TRIM16: variants seen among roughly 807,000 people sequenced by gnomAD.
TRIM16 encodes the protein tripartite motif containing 16.
A neutral mutation model predicts 50.4 loss-of-function variants in TRIM16; 33 were observed. The ratio of observed to expected loss-of-function variants is 0.65; its 90% CI spans 0.50 to 0.88. The LOEUF (loss-of-function observed/expected upper bound fraction) is 0.88, where lower values mean the gene tolerates loss of function less well. Among genes scored for constraint, TRIM16 ranks in the 40% least tolerant of loss-of-function variants. The probability of loss-of-function intolerance (pLI) is 0.00; values close to 1 mark genes in which losing one functional copy is unlikely to be tolerated. For synonymous variants in TRIM16, 229 were observed against 270.7 expected (o/e 0.85, Z 1.51); for missense variants, 581 against 686.8 (o/e 0.85, Z 1.72).
In TRIM16 at chr17:15,632,455, C is replaced by T. The variant is rs1986477277; in HGVS notation, c.1015+54G>A. The T allele has an allele frequency of 8.0e-6, 12 of 1,509,356 alleles. No individual in the cohort carries two copies. The South Asian group carries it at 1.5e-4, about 19-fold the overall frequency. The allele number at this position is 1,509,356 out of a possible 1,614,324, so 93.5% of individuals were successfully genotyped here. A position where few individuals can be genotyped will look rare whatever the true frequency, so the allele number is the denominator to read the frequency against. ...CCCTGACTCTCTCTCACCTTCCTAT[C>T]ATCTACTGCTAGAGACACACTCACT... On this transcript the variant is annotated intron_variant, in intron 10 of 11. Coordinates refer to ENST00000649191, the MANE Select transcript of TRIM16 (RefSeq NM_001348119.1).
chr17:15,651,473 C>A lies in TRIM16; in HGVS notation c.137G>T (p.Gly46Val), dbSNP rs749283138. 1.2e-6 allele frequency: 2 copies of A among 1,611,538 alleles called. No individual in the cohort carries two copies. Among genetic ancestry groups the A allele is most frequent in the Admixed American group, 1.7e-5 (1 of 59,888 alleles). The part of the protein sequence containing the change: ...SASPVEEEDV[G>V]SSEKLGRETE... ...CTCCCTGCCAAGCTTCTCCGAGGAG[C>A]CCACGTCCTCTTCTTCCACTGGGCT... The change falls in exon 7 of 12, where the codon GGC becomes GTC. Residue 46 changes from glycine to valine, a missense_variant. Coordinates refer to ENST00000649191, the MANE Select transcript of TRIM16 (RefSeq NM_001348119.1).
chr17:15,650,994 T>A, intron 7 of TRIM16, 97 bp downstream of exon 7: 1 of 1,489,676 alleles, frequency 6.7e-7, no homozygotes, highest in Non-Finnish European at 9.1e-7. Context: ...GCTCAGAGCA[T>A]AGTAGTGGCG....
chr17:15,651,904 AC>A lies in TRIM16; in HGVS notation c.-296del. On this transcript the variant is annotated 5_prime_UTR_variant, in exon 7 of 12. The change creates a premature stop within an existing upstream ORF in the 5' untranslated region. Transcript: ENST00000649191. Reference sequence around the variant, plus strand: ...TTCTATTCTTATGTGAATCATCTGAACCCCATAGGCTCTGCTGAAGACCACG... The same window carrying A: ...TTCTATTCTTATGTGAATCATCTGAACCCATAGGCTCTGCTGAAGACCACG... The A allele has an allele frequency of 7.4e-7, 1 of 1,343,458 alleles. No homozygotes were observed. Among genetic ancestry groups the A allele is most frequent in the South Asian group, 1.5e-5 (1 of 64,880 alleles). 83.2% of individuals were successfully genotyped at this position (1,343,458 alleles called of 1,614,324 possible). A position where few individuals can be genotyped will look rare whatever the true frequency, so the allele number is the denominator to read the frequency against.
At chr17:15,671,257 C>T (rs1385443961) in intron 6 of TRIM16, among the ~76,000 whole-genome samples, 1 of 149,916 alleles carries the variant, frequency 6.7e-6, no homozygotes, top group African/African-American at 2.5e-5. Context: ...CTTTATAAAT[C>T]CTTGAATTTG....
intron 6 of TRIM16, among the ~76,000 whole-genome samples, chr17:15,654,016 G>A (rs1987853357): frequency 6.6e-6 from 1 of 152,104 alleles, no homozygotes; most frequent in Non-Finnish European, 1.5e-5. Flanking sequence ...GGAGGGGGAG[G>A]GGTCAGATCC....
rs1482545902 is a variant in TRIM16 at position 15,651,397 on chromosome 17, C to T, written c.213G>A (p.Glu71=). 4 of 1,614,232 alleles carry T rather than the reference C, an allele frequency of 2.5e-6. No individual in the cohort carries two copies. The highest frequency in any genetic ancestry group is 1.7e-5 in the Admixed American group (1 of 60,036). ...AGAAGTCACACAGGACCTCTTTCCCCTCACCAGCAGGATCCCCCTGCTCTG... is the reference window on the plus strand; with the variant it reads ...AGAAGTCACACAGGACCTCTTTCCCTTCACCAGCAGGATCCCCCTGCTCTG... The part of the protein sequence containing the change: ...DSAEQGDPAG[E]GKEVLCDFCL... Residue 71 remains glutamate (E), a synonymous_variant, in exon 7 of 12, where the codon GAG becomes GAA. Transcript: ENST00000649191.
chr17:15,655,774 C>A (rs905403866), intron 6 of TRIM16, among the ~76,000 whole-genome samples: 28 of 152,118 alleles, frequency 1.8e-4, no homozygotes, highest in Admixed American at 1.3e-4. Context: ...CGGGGTTTCA[C>A]CGTGTTAGCC....
intron 6 of TRIM16, among the ~76,000 whole-genome samples, chr17:15,671,688 T>A (rs1021344940): frequency 3.0e-4 from 45 of 152,292 alleles, no homozygotes; most frequent in African/African-American, 9.4e-4. Flanking sequence ...GTTTCCCTCA[T>A]CATGATGATA....
intron 8 of TRIM16, among the ~76,000 whole-genome samples, chr17:15,637,000 G>T (rs1465589153): frequency 6.7e-6 from 1 of 149,342 alleles, no homozygotes; most frequent in East Asian, 2.0e-4. Flanking sequence ...AGTTCTGAAG[G>T]TTTCCTCTTC....
Position 15,629,024 on chromosome 17 carries a change from T to G in TRIM16, c.1286A>C (p.Tyr429Ser), listed in dbSNP as rs1161527609. The G allele has an allele frequency of 6.2e-7, 1 of 1,614,002 alleles. No individual in the cohort carries two copies. The highest frequency in any genetic ancestry group is 8.5e-7 in the Non-Finnish European group (1 of 1,179,984). The change falls in exon 12 of 12, where the codon TAC (tyrosine) becomes TCC (serine). Residue 429 changes from tyrosine to serine, a missense_variant. Transcript: ENST00000649191. Reference protein sequence around the residue: ...LSQQSLYLHRYYFEVEIFGAG... With the variant: ...LSQQSLYLHRSYFEVEIFGAG... ...CCCGAAGATCTCCACCTCAAAATAG[T>G]ACCTGTGCAGGTACAGACTCTGCTG... is the stretch of plus-strand genomic sequence containing the variant.
At chr17:15,666,392 C>G (rs2654391) in intron 6 of TRIM16, among the ~76,000 whole-genome samples, 1 of 152,304 alleles carries the variant, frequency 6.6e-6, no homozygotes, top group Admixed American at 6.5e-5. Flanking sequence ...TCAGAGAAAG[C>G]TTTTTAAAAA....
intron 6 of TRIM16, among the ~76,000 whole-genome samples, chr17:15,655,611 G>A (rs1987938674): frequency 6.6e-6 from 1 of 150,708 alleles, no homozygotes; most frequent in African/African-American, 2.5e-5. Context: ...GTATCGCTCT[G>A]TCGCCCAGGC....
chr17:15,636,053 T>C lies in TRIM16; in HGVS notation c.832A>G (p.Thr278Ala). Residue 278 changes from threonine to alanine, a missense_variant, in exon 9 of 12, where the codon ACT (threonine) becomes GCT (alanine). By Grantham distance (58) the Thr-to-Ala change is moderately conservative. Transcript: ENST00000649191. ...CCCCATACCTCCAAGAACTGGACAG[T>C]GTTGCTGATGGCCGCCATCCTCTCC... ...ELERMAAISN[T>A]VQFLEEYCKF... is the part of the protein sequence containing the mutation. 6.2e-7 allele frequency: 1 copy of C among 1,611,068 alleles called. No homozygotes were observed. The highest frequency in any genetic ancestry group is 1.1e-5 in the South Asian group (1 of 90,756).
chr17:15,632,454 T>A, intron 10 of TRIM16, 55 bp downstream of exon 10: 1 of 1,507,132 alleles, frequency 6.6e-7, no homozygotes, highest in Non-Finnish European at 8.9e-7. Flanking sequence ...CACCTTCCTA[T>A]CATCTACTGC....
intron 8 of TRIM16, among the ~76,000 whole-genome samples, chr17:15,640,542 CAACT>C (rs1797832134): frequency 6.8e-6 from 1 of 147,942 alleles, no homozygotes; most frequent in African/African-American, 2.5e-5. Context: ...ATTCCTGAAC[CAACT>C]GTTTACAGGT....
intron 7 of TRIM16, among the ~76,000 whole-genome samples, chr17:15,650,653 G>A (rs1355799365): frequency 6.6e-6 from 1 of 152,192 alleles, no homozygotes; most frequent in Non-Finnish European, 1.5e-5. Flanking sequence ...GGGAGAAAGA[G>A]TTGTTCTTTT....
intron 9 of TRIM16, among the ~76,000 whole-genome samples, chr17:15,633,815 C>T (rs1338439325): frequency 6.6e-6 from 1 of 150,730 alleles, no homozygotes; most frequent in Non-Finnish European, 1.5e-5. Flanking sequence ...GCTGGGATTA[C>T]AGGTGTGAGC....
At chr17:15,642,250 T>C (rs935519305) in intron 8 of TRIM16, among the ~76,000 whole-genome samples, 1 of 149,190 alleles carries the variant, frequency 6.7e-6, no homozygotes, top group African/African-American at 2.5e-5. Flanking sequence ...CTACTTAGCC[T>C]GGCACACCAT....
In TRIM16 at chr17:15,628,429, C is replaced by T. The variant is rs1986214458; in HGVS notation, c.*186G>A. The T allele has an allele frequency of 3.6e-6, 2 of 559,878 alleles. No individual in the cohort carries two copies. The highest frequency in any genetic ancestry group is 6.0e-6 in the Non-Finnish European group (2 of 333,916). 34.7% of individuals were successfully genotyped at this position (559,878 alleles called of 1,614,324 possible). Reference sequence around the variant, plus strand: ...GTCTCAAAAAAAAAAAAAAGAATTACTGCAAACACATAGAGAACAGCACCA... The same window carrying T: ...GTCTCAAAAAAAAAAAAAAGAATTATTGCAAACACATAGAGAACAGCACCA... On this transcript the variant is annotated 3_prime_UTR_variant, in exon 12 of 12. Coordinates refer to ENST00000649191, the MANE Select transcript of TRIM16 (RefSeq NM_001348119.1).
Sources: allele counts gnomAD v4.1 joint callset (sites outside exome capture counted in the v4.1 genomes callset), GRCh38; gene constraint gnomAD v4.1.1; transcripts MANE v1.5; gene names NCBI Gene and HGNC (gene_info 2026-07-23, HGNC 2026-07-21).